SLITRK5: variants seen among roughly 807,000 people sequenced by gnomAD.
SLITRK5 encodes SLIT and NTRK-like protein 5.
Under a neutral mutation model 56.2 loss-of-function variants are expected in SLITRK5, and 23 were observed. That is an observed-to-expected ratio of 0.41 (90% CI 0.29 to 0.58). The LOEUF (loss-of-function observed/expected upper bound fraction) is 0.58, where lower values mean the gene tolerates loss of function less well. SLITRK5 is among the 20% of genes least tolerant of loss of function. The probability of loss-of-function intolerance (pLI) is 0.30; values close to 1 mark genes in which losing one functional copy is unlikely to be tolerated. For synonymous variants in SLITRK5, 637 were observed against 531.8 expected (o/e 1.20, Z -2.72); for missense variants, 1,289 against 1,226.6 (o/e 1.05, Z -0.76).
intron 1 of SLITRK5, among the ~76,000 whole-genome samples, 163 bp downstream of exon 1, chr13:87,672,372 C>A (rs1877070222): frequency 6.6e-6 from 1 of 152,012 alleles, no homozygotes; most frequent in African/African-American, 2.4e-5. Context: ...CGGGGCCAGG[C>A]AGTCTTCTCC....
In SLITRK5 at chr13:87,677,129, C is replaced by T; in HGVS notation, c.1741C>T (p.Leu581Phe). ...GGGCATGAAGCTGTGGGTGGAGCAGCTCAAAGTGGGCGTCCTAGTGGACGA... is the reference window on the plus strand; with the variant it reads ...GGGCATGAAGCTGTGGGTGGAGCAGTTCAAAGTGGGCGTCCTAGTGGACGA... ...IVGMKLWVEQ[L>F]KVGVLVDEVI... The change falls in exon 2 of 2, where the codon CTC (leucine) becomes TTC (phenylalanine). Residue 581 changes from leucine to phenylalanine, a missense_variant. This residue lies in a region of SLITRK5 where 985 missense variants were observed against 906.0 expected (regional missense o/e 1.09). Transcript: ENST00000683689. This position sits in a 1 kb window ranked among gnomAD's most constrained non-coding sequence, Gnocchi z 4.7. 1 of 1,614,194 alleles carries T rather than the reference C, an allele frequency of 6.2e-7. No individual in the cohort carries two copies. Among genetic ancestry groups the T allele is most frequent in the Non-Finnish European group, 8.5e-7 (1 of 1,180,040 alleles).
chr13:87,672,793 TATG>T (rs1877091674), intron 1 of SLITRK5: 1 of 154,286 alleles, frequency 6.5e-6, no homozygotes, highest in Non-Finnish European at 1.4e-5. Flanking sequence ...AAAGGGTGGC[TATG>T]ATGACTGGGC....
In SLITRK5 at chr13:87,675,769, G is replaced by A; in HGVS notation, c.381G>A (p.Gly127=). Residue 127 remains glycine (G), a synonymous_variant, in exon 2 of 2, where the codon GGG becomes GGA. Coordinates refer to ENST00000683689, the MANE Select transcript of SLITRK5 (RefSeq NM_001384609.1). The part of the protein sequence containing the change: ...IQDIETGAFH[G]LRGLRRLHLN... ...ACATTGAGACCGGGGCTTTCCATGGGCTACGGGGTTTGAGGAGATTGCATC... is the reference window on the plus strand; with the variant it reads ...ACATTGAGACCGGGGCTTTCCATGGACTACGGGGTTTGAGGAGATTGCATC... 1 of 1,614,128 alleles carries A rather than the reference G, an allele frequency of 6.2e-7. No homozygotes were observed. Among genetic ancestry groups the A allele is most frequent in the South Asian group, 1.1e-5 (1 of 91,082 alleles).
chr13:87,672,192 C>A lies in SLITRK5; in HGVS notation c.-26C>A, dbSNP rs1877061686. ...ACAGCTGGGTCGGAGAAAGTTGCCC[C>A]CTATGCAGATGGCAACTGTGAGTAC... On this transcript the variant is annotated 5_prime_UTR_variant, in exon 1 of 2. Coordinates refer to ENST00000683689, the MANE Select transcript of SLITRK5 (RefSeq NM_001384609.1). Among the ~76,000 whole-genome samples the A allele has an allele frequency of 6.6e-6, 1 of 152,044 alleles. No individual in the cohort carries two copies. The highest frequency in any genetic ancestry group is 1.5e-5 in the Non-Finnish European group (1 of 67,986).
intron 1 of SLITRK5, among the ~76,000 whole-genome samples, chr13:87,673,969 C>G (rs1469859287): frequency 2.0e-5 from 3 of 151,798 alleles, no homozygotes; most frequent in Non-Finnish European, 4.4e-5. Flanking sequence ...GTCCTCCACC[C>G]CATTAACCAA....
In SLITRK5 at chr13:87,675,726, G is replaced by T. The variant is rs2137943333; in HGVS notation, c.338G>T (p.Gly113Val). The change falls in exon 2 of 2, where the codon GGT becomes GTT. Residue 113 changes from glycine (G) to valine (V), a missense_variant. This residue lies in a region of SLITRK5 where 291 missense variants were observed against 286.7 expected (regional missense o/e 1.02). Coordinates refer to ENST00000683689, the MANE Select transcript of SLITRK5 (RefSeq NM_001384609.1). ...ACTGGGGCTTCAATTTTGCATCTAG[G>T]TAGCAATGTTATCCAGGACATTGAG... is the stretch of plus-strand genomic sequence containing the variant. The part of the protein sequence containing the change: ...NYTGASILHL[G>V]SNVIQDIETG... 1 of 1,614,090 alleles carries T rather than the reference G, an allele frequency of 6.2e-7. No individual in the cohort carries two copies. Among genetic ancestry groups the T allele is most frequent in the South Asian group, 1.1e-5 (1 of 91,078 alleles).
At chr13:87,674,961 G>A (rs1037746513) in intron 1 of SLITRK5, among the ~76,000 whole-genome samples, 1 of 151,796 alleles carries the variant, frequency 6.6e-6, no homozygotes, top group South Asian at 2.1e-4. Context: ...AAAGAAGGGG[G>A]GGTGGGGGCT....
chr13:87,678,847 G>T lies in SLITRK5; in HGVS notation c.*582G>T, dbSNP rs1272704462. 6.1e-6 allele frequency: 1 copy of T among 164,206 alleles called. No individual in the cohort carries two copies. Among genetic ancestry groups the T allele is most frequent in the Non-Finnish European group, 1.5e-5 (1 of 67,756 alleles). 10.2% of individuals were successfully genotyped at this position (164,206 alleles called of 1,614,324 possible). On this transcript the variant is annotated 3_prime_UTR_variant, in exon 2 of 2. Coordinates refer to ENST00000683689, the MANE Select transcript of SLITRK5 (RefSeq NM_001384609.1). Reference sequence around the variant, plus strand: ...AAAGGATGTGTTTGTATGCATTCTGGACATTTGAATTAAAAAAAAAGTATT... The same window carrying T: ...AAAGGATGTGTTTGTATGCATTCTGTACATTTGAATTAAAAAAAAAGTATT...
rs1877284582 is a variant in SLITRK5, at chr13:87,676,558, C to T, written c.1170C>T (p.Asn390=). The change falls in exon 2 of 2, where the codon AAC becomes AAT. Residue 390 remains asparagine (N), a synonymous_variant. Transcript: ENST00000683689. The part of the protein sequence containing the change: ...CNLQISDLGL[N]VNCQERKIES... ...TGCAGATCTCTGATCTGGGCCTCAACGTAAACTGCCAGGAGCGAAAGATCG... is the reference window on the plus strand; with the variant it reads ...TGCAGATCTCTGATCTGGGCCTCAATGTAAACTGCCAGGAGCGAAAGATCG... 2 of 1,614,140 alleles carry T rather than the reference C, an allele frequency of 1.2e-6. No individual in the cohort carries two copies.
Position 87,677,788 on chromosome 13 carries a change from G to A in SLITRK5, c.2400G>A (p.Pro800=), listed in dbSNP as rs1438841804. The A allele has an allele frequency of 5.0e-6, 8 of 1,608,292 alleles. No individual in the cohort carries two copies. The highest frequency in any genetic ancestry group is 1.7e-5 in the Admixed American group (1 of 59,738). ...HHLQQQQQPP[P]PPQQPQQQPP... is the part of the protein sequence containing the mutation. ...TGCAGCAGCAGCAGCAGCCGCCGCC[G>A]CCACCGCAGCAGCCACAGCAGCAGC... Residue 800 remains proline, a synonymous_variant, in exon 2 of 2, where the codon CCG becomes CCA. Coordinates refer to ENST00000683689, the MANE Select transcript of SLITRK5 (RefSeq NM_001384609.1). This position sits in a 1 kb window ranked among gnomAD's most constrained non-coding sequence, Gnocchi z 4.7.
Position 87,676,246 on chromosome 13 carries a change from G to A in SLITRK5, c.858G>A (p.Arg286=). The change falls in exon 2 of 2, where the codon AGG becomes AGA. Residue 286 remains arginine, a synonymous_variant. Transcript: ENST00000683689. ...TATCCAAGCAGGAACTTTGCCCAAG[G>A]AGACTTATTTCTGACTACGAGATGA... ...DEVSKQELCP[R]RLISDYEMRP... is the part of the protein sequence containing the mutation. 6 of 1,614,090 alleles carry A rather than the reference G, an allele frequency of 3.7e-6. No individual in the cohort carries two copies. Among genetic ancestry groups the A allele is most frequent in the Non-Finnish European group, 5.1e-6 (6 of 1,180,014 alleles).
At position 87,671,929 on chromosome 13, in the gene SLITRK5, A is replaced by G. The variant is rs902238188; in HGVS notation, c.-289A>G. On this transcript the variant is annotated 5_prime_UTR_variant, in exon 1 of 2. Transcript: ENST00000683689. ...CTGGAGCAGCCGAGGGGCCGGTGCCACCTTTGCTCGCCCCCTCACTACCAT... is the reference window on the plus strand; with the variant it reads ...CTGGAGCAGCCGAGGGGCCGGTGCCGCCTTTGCTCGCCCCCTCACTACCAT... Among the ~76,000 whole-genome samples, 2 of 152,062 alleles carry G rather than the reference A, an allele frequency of 1.3e-5. No homozygotes were observed. The highest frequency in any genetic ancestry group is 2.9e-5 in the Non-Finnish European group (2 of 68,014).
chr13:87,678,384 G>C lies in SLITRK5; in HGVS notation c.*119G>C. The stretch of plus-strand genomic sequence containing the variant: ...CGTTTAGGGTGAAGTGCCTTGGCAC[G>C]GGATTTCTCAGCTTCGGTGGAAGAT... On this transcript the variant is annotated 3_prime_UTR_variant, in exon 2 of 2. Coordinates refer to ENST00000683689, the MANE Select transcript of SLITRK5 (RefSeq NM_001384609.1). The C allele has an allele frequency of 1.0e-6, 1 of 997,716 alleles. No individual in the cohort carries two copies. Among genetic ancestry groups the C allele is most frequent in the Non-Finnish European group, 1.5e-6 (1 of 671,444 alleles). The allele number at this position is 997,716 out of a possible 1,614,324, so 61.8% of individuals were successfully genotyped here.
At chr13:87,673,471 G>T in intron 1 of SLITRK5, 1 of 840,824 alleles carries the variant, frequency 1.2e-6, no homozygotes, top group Non-Finnish European at 1.7e-6. Flanking sequence ...CAGATGGGGT[G>T]GGAGGTGAAT....
At chr13:87,673,358 AGTGGGTTG>A in intron 1 of SLITRK5, 1 of 363,080 alleles carries the variant, frequency 2.8e-6, no homozygotes, top group East Asian at 7.9e-5. Flanking sequence ...GGGGGAAGGG[AGTGGGTTG>A]AGAGGAAGCT....
rs748349239 is a variant in SLITRK5 at position 87,676,710 on chromosome 13, G to C, written c.1322G>C (p.Gly441Ala). 6.2e-7 allele frequency: 1 copy of C among 1,614,010 alleles called. No individual in the cohort carries two copies. The highest frequency in any genetic ancestry group is 8.5e-7 in the Non-Finnish European group (1 of 1,180,012). Residue 441 changes from glycine (G) to alanine (A), a missense_variant, in exon 2 of 2, where the codon GGG (glycine) becomes GCG (alanine). Gly to Ala is a moderately conservative substitution (Grantham distance 60). Coordinates refer to ENST00000683689, the MANE Select transcript of SLITRK5 (RefSeq NM_001384609.1). ...EATGLDLLHL[G>A]NNRISMIQDR... ...ACGGGGCTGGACCTCCTGCACCTGG[G>C]GAATAACCGCATCTCGATGATCCAG...
At chr13:87,673,523 C>T (rs1197212332) in intron 1 of SLITRK5, 3 of 1,278,450 alleles carry the variant, frequency 2.3e-6, no homozygotes, top group Admixed American at 2.3e-5. Flanking sequence ...GGGGACCCAA[C>T]CTCGCTGAAT....
Position 87,674,007 on chromosome 13 carries a change from A to AACACACAC in SLITRK5, c.-8-1347_-8-1340dup, listed in dbSNP as rs71101016. Among the ~76,000 whole-genome samples the AACACACAC allele has an allele frequency of 5.2e-4, 74 of 142,614 alleles. 1 individual carries two copies. The highest frequency in any genetic ancestry group is 1.7e-3 in the African/African-American group (67 of 39,344). 93.6% of individuals were successfully genotyped at this position (142,614 alleles called of 152,430 possible). A position where few individuals can be genotyped will look rare whatever the true frequency, so the allele number is the denominator to read the frequency against. On this transcript the variant is annotated intron_variant, in intron 1 of 1. Transcript: ENST00000683689. Reference sequence around the variant, plus strand: ...CAGCATGCGCGCGCGCGCACACACAAACACACACACACACACACACACACA... The same window carrying AACACACAC: ...CAGCATGCGCGCGCGCGCACACACAAACACACACACACACACACACACACACACACACA...
chr13:87,678,172 C>G lies in SLITRK5; in HGVS notation c.2784C>G (p.Asn928Lys), dbSNP rs761762518. Residue 928 changes from asparagine to lysine, a missense_variant, in exon 2 of 2, where the codon AAC becomes AAG. By Grantham distance (94) the Asn-to-Lys change is moderately conservative. This residue lies in a region of SLITRK5 where 985 missense variants were observed against 906.0 expected (regional missense o/e 1.09). Coordinates refer to ENST00000683689, the MANE Select transcript of SLITRK5 (RefSeq NM_001384609.1). ...CGAGTGCTGTCTTTGTAGAACCCAA[C>G]CGGAACGAATATCTGGAGTTAAAAG... ...SPPSAVFVEP[N>K]RNEYLELKAK... The G allele has an allele frequency of 1.2e-6, 2 of 1,614,210 alleles. No homozygotes were observed. The highest frequency in any genetic ancestry group is 4.5e-5 in the East Asian group (2 of 44,868).
Sources: allele counts gnomAD v4.1 joint callset (sites outside exome capture counted in the v4.1 genomes callset), GRCh38; gene constraint gnomAD v4.1.1; regional missense constraint gnomAD v4.1.1; non-coding constraint Gnocchi (gnomAD v3.1); transcripts MANE v1.5; gene names NCBI Gene and HGNC (gene_info 2026-07-23, HGNC 2026-07-21).